The following CPED1 variants were observed in gnomAD, a reference collection of about 807,000 sequenced individuals.
CPED1 encodes the protein cadherin-like and PC-esterase domain-containing protein 1.
In CPED1, 114 loss-of-function variants were observed where a neutral mutation model predicts 128.2. The ratio of observed to expected loss-of-function variants is 0.89; its 90% CI spans 0.76 to 1.04. The LOEUF (loss-of-function observed/expected upper bound fraction) is 1.04, where lower values mean the gene tolerates loss of function less well. Among genes scored for constraint, CPED1 ranks in the 50% least tolerant of loss-of-function variants. The pLI is 0.00. For missense variants in CPED1, 1,211 were observed against 1,207.1 expected, an observed-to-expected ratio of 1.00 and a Z score of -0.05; for synonymous variants, 462 against 426.7, an observed-to-expected ratio of 1.08 and a Z score of -1.02.
intron 16 of CPED1, among the ~76,000 whole-genome samples, chr7:121,191,377 A>G (rs1797135037): frequency 6.6e-6 from 1 of 152,154 alleles, no homozygotes. Flanking sequence ...AGGAAGTGAC[A>G]TATGAGATGA....
chr7:121,093,430 T>A (rs1794624411), intron 5 of CPED1, among the ~76,000 whole-genome samples: 2 of 69,012 alleles, frequency 2.9e-5, no homozygotes, highest in East Asian at 8.4e-4. Flanking sequence ...ACACACACAG[T>A]TGTTTGTTTG....
At chr7:121,087,319 A>G (rs1207006833) in intron 5 of CPED1, among the ~76,000 whole-genome samples, 1 of 152,134 alleles carries the variant, frequency 6.6e-6, no homozygotes, top group African/African-American at 2.4e-5. Context: ...ATCCTGCCCA[A>G]CATCTCTCTT....
Position 121,237,008 on chromosome 7 carries a change from T to C in CPED1, c.2173+177T>C, listed in dbSNP as rs113251161. Among the ~76,000 whole-genome samples, 244 of 152,308 alleles carry C rather than the reference T, an allele frequency of 1.6e-3. 2 individuals are homozygous for C. Among genetic ancestry groups the C allele is most frequent in the African/African-American group, 5.7e-3 (235 of 41,580 alleles). ...TGTTTTAATATTTGAAATACTTTGA[T>C]TAATCAATTATTTTCTTCTCCCCTT... On this transcript the variant is annotated intron_variant, in intron 17 of 22. Transcript: ENST00000310396.
intron 17 of CPED1, among the ~76,000 whole-genome samples, chr7:121,239,616 G>A (rs1798341137): frequency 6.6e-6 from 1 of 152,090 alleles, no homozygotes; most frequent in South Asian, 2.1e-4. Context: ...TGAAAATATA[G>A]ATGTTTTTGT....
At chr7:121,115,751 T>C (rs951413283) in intron 7 of CPED1, among the ~76,000 whole-genome samples, 10 of 152,228 alleles carry the variant, frequency 6.6e-5, no homozygotes, top group African/African-American at 2.4e-4. Context: ...TCAAACAAGC[T>C]GTCAGACCTT....
chr7:121,000,910 C>A (rs1791834741), intron 2 of CPED1, among the ~76,000 whole-genome samples: 1 of 152,080 alleles, frequency 6.6e-6, no homozygotes, highest in East Asian at 1.9e-4. Flanking sequence ...TTTGTGGGAA[C>A]TGAATAAAAA....
intron 16 of CPED1, among the ~76,000 whole-genome samples, chr7:121,163,775 C>G (rs1232095299): frequency 6.6e-6 from 1 of 152,140 alleles, no homozygotes; most frequent in East Asian, 1.9e-4. Context: ...TGGAGCCTCA[C>G]AACAAGACAG....
chr7:120,999,039 C>A (rs956490524), intron 2 of CPED1, among the ~76,000 whole-genome samples: 1 of 151,978 alleles, frequency 6.6e-6, no homozygotes, highest in Non-Finnish European at 1.5e-5. Flanking sequence ...GTAAAAACAG[C>A]CTCTGATACA....
intron 13 of CPED1, among the ~76,000 whole-genome samples, chr7:121,135,803 C>T (rs1212338690): frequency 6.6e-6 from 1 of 151,920 alleles, no homozygotes; most frequent in African/African-American, 2.4e-5. Flanking sequence ...CAATAAATGG[C>T]ATTTAGACCA....
chr7:121,031,736 G>A (rs1792740284), intron 3 of CPED1, among the ~76,000 whole-genome samples: 1 of 152,014 alleles, frequency 6.6e-6, no homozygotes, highest in Non-Finnish European at 1.5e-5. Context: ...GACACAAAAT[G>A]TCTATTTTTA....
intron 18 of CPED1, among the ~76,000 whole-genome samples, chr7:121,262,851 A>T (rs535880377): frequency 2.0e-5 from 3 of 152,214 alleles, no homozygotes; most frequent in African/African-American, 7.2e-5. Context: ...TGTGATATGC[A>T]CATTAAAAAG....
intron 5 of CPED1, among the ~76,000 whole-genome samples, chr7:121,090,482 AG>A (rs1794546034): frequency 6.6e-6 from 1 of 152,234 alleles, no homozygotes; most frequent in Non-Finnish European, 1.5e-5. Flanking sequence ...TTGTTATCAA[AG>A]TCACACAAGT....
intron 2 of CPED1, among the ~76,000 whole-genome samples, chr7:121,008,028 A>G (rs1405135055): frequency 3.3e-5 from 5 of 151,552 alleles, no homozygotes; most frequent in Non-Finnish European, 4.4e-5. Flanking sequence ...TTTCTGCAAT[A>G]TGGAAGGGGT....
At chr7:121,275,730 AAAG>A (rs1792317688) in intron 22 of CPED1, among the ~76,000 whole-genome samples, 1 of 152,114 alleles carries the variant, frequency 6.6e-6, no homozygotes, top group South Asian at 2.1e-4. Context: ...AGAAAGAAGA[AAAG>A]AAGGGAGTTT....
At chr7:121,221,167 A>T (rs1296556062) in intron 16 of CPED1, among the ~76,000 whole-genome samples, 2 of 152,052 alleles carry the variant, frequency 1.3e-5, no homozygotes, top group East Asian at 3.9e-4. Context: ...CCTGTGTCCA[A>T]GTGTTCTCAT....
chr7:121,103,806 T>C (rs1319749445), intron 7 of CPED1, among the ~76,000 whole-genome samples: 1 of 152,028 alleles, frequency 6.6e-6, no homozygotes, highest in Non-Finnish European at 1.5e-5. Context: ...CAGTGAACAT[T>C]TATAGAACAT....
chr7:121,059,926 G>T (rs1441735239), intron 4 of CPED1, among the ~76,000 whole-genome samples: 3 of 152,216 alleles, frequency 2.0e-5, no homozygotes, highest in Non-Finnish European at 4.4e-5. Flanking sequence ...TTCTGGGCTG[G>T]CCAAGACCGG....
chr7:121,173,789 C>T (rs755438759), intron 16 of CPED1, among the ~76,000 whole-genome samples: 1 of 151,992 alleles, frequency 6.6e-6, no homozygotes, highest in Non-Finnish European at 1.5e-5. Flanking sequence ...CTGTTTTTAG[C>T]TCTTTGAGGA....
chr7:121,004,455 T>C (rs926805819), intron 2 of CPED1, among the ~76,000 whole-genome samples: 2 of 152,122 alleles, frequency 1.3e-5, no homozygotes, highest in Admixed American at 6.5e-5. Flanking sequence ...GAGGAGGACA[T>C]GTTTGCTCTG....
Sources: allele counts gnomAD v4.1 joint callset (sites outside exome capture counted in the v4.1 genomes callset), GRCh38; gene constraint gnomAD v4.1.1; transcripts MANE v1.5; gene names NCBI Gene and HGNC (gene_info 2026-07-23, HGNC 2026-07-21).